Variants in NEGR1 observed in about 807,000 individuals in gnomAD.
NEGR1 encodes neuronal growth regulator 1, also known as IgLON family member 4.
Under a neutral mutation model 40.9 loss-of-function variants are expected in NEGR1, and 10 were observed. The ratio of observed to expected loss-of-function variants is 0.24; its 90% CI spans 0.15 to 0.42. NEGR1 has a LOEUF of 0.42. Ranked by LOEUF, NEGR1 falls within the 10% of genes least tolerant of loss-of-function variation. The pLI is 1.00. For synonymous variants in NEGR1, 185 were observed against 166.8 expected (o/e 1.11, Z -0.84); for missense variants, 352 against 438.9 (o/e 0.80, Z 1.77).
rs959347673 is a variant in NEGR1, at chr1:71,784,331, T to G, written c.410-8034A>C. 1.3e-4 allele frequency among the ~76,000 whole-genome samples: 19 copies of G among 151,918 alleles called. 1 individual carries two copies. The highest frequency in any genetic ancestry group is 4.4e-4 in the African/African-American group (18 of 41,370). ...TCTCTCCTATATTTAAAATCTGCACTCTAAGTAGAAAGGCTTTTTTTTTTT... is the reference window on the plus strand; with the variant it reads ...TCTCTCCTATATTTAAAATCTGCACGCTAAGTAGAAAGGCTTTTTTTTTTT... On this transcript the variant is annotated intron_variant, in intron 2 of 6. Coordinates refer to ENST00000357731, the MANE Select transcript of NEGR1 (RefSeq NM_173808.3).
Position 71,725,183 on chromosome 1 carries a change from A to G in NEGR1, c.536-27044T>C, listed in dbSNP as rs565187745. On this transcript the variant is annotated intron_variant, in intron 3 of 6. Transcript: ENST00000357731. Reference sequence around the variant, plus strand: ...GATGTATTTTGAAGATCTGATCGATAGAAGAATTTCAATAACTAATAATAG... The same window carrying G: ...GATGTATTTTGAAGATCTGATCGATGGAAGAATTTCAATAACTAATAATAG... 5.8e-4 allele frequency among the ~76,000 whole-genome samples: 89 copies of G among 152,304 alleles called. 1 individual carries two copies. Among genetic ancestry groups the G allele is most frequent in the African/African-American group, 2.1e-3 (87 of 41,584 alleles).
At position 72,171,009 on chromosome 1, in the gene NEGR1, T is replaced by C. The variant is rs141503075; in HGVS notation, c.176+111310A>G. Among the ~76,000 whole-genome samples the C allele has an allele frequency of 3.9e-4, 59 of 152,298 alleles. 1 individual carries two copies. Among genetic ancestry groups the C allele is most frequent in the African/African-American group, 1.3e-3 (55 of 41,574 alleles). The stretch of plus-strand genomic sequence containing the variant: ...GAGACAGAAAGGTTACAGCAGGCTA[T>C]TGGTATTTCCTTTTCCCTTTGGTCT... On this transcript the variant is annotated intron_variant, in intron 1 of 6. Transcript: ENST00000357731.
intron 6 of NEGR1, among the ~76,000 whole-genome samples, chr1:71,540,393 C>G (rs902173015): frequency 6.6e-6 from 1 of 151,726 alleles, no homozygotes; most frequent in African/African-American, 2.4e-5. Flanking sequence ...AATTAAGAGT[C>G]GGACTGTTTA....
chr1:71,592,462 C>T (rs1293616529), intron 6 of NEGR1, among the ~76,000 whole-genome samples: 1 of 152,122 alleles, frequency 6.6e-6, no homozygotes, highest in Non-Finnish European at 1.5e-5. Flanking sequence ...CCATGTTAAT[C>T]TATACTTCAA....
chr1:72,184,040 T>C (rs531495832), intron 1 of NEGR1, among the ~76,000 whole-genome samples: 1 of 152,264 alleles, frequency 6.6e-6, no homozygotes, highest in African/African-American at 2.4e-5. Context: ...AACAGCCGTA[T>C]ATAAGATGTT....
At chr1:71,796,978 T>C (rs1469350217) in intron 2 of NEGR1, among the ~76,000 whole-genome samples, 1 of 152,110 alleles carries the variant, frequency 6.6e-6, no homozygotes, top group Admixed American at 6.6e-5. Context: ...ACAGCACATA[T>C]TTACATAATT....
chr1:71,751,005 G>A (rs1184792429), intron 3 of NEGR1, among the ~76,000 whole-genome samples: 1 of 151,894 alleles, frequency 6.6e-6, no homozygotes, highest in Non-Finnish European at 1.5e-5. Context: ...CCTTAGTGAT[G>A]ATCTTATACA....
chr1:72,069,520 G>T (rs991508564), intron 1 of NEGR1, among the ~76,000 whole-genome samples: 1 of 152,000 alleles, frequency 6.6e-6, no homozygotes, highest in Non-Finnish European at 1.5e-5. Flanking sequence ...ATATCATATT[G>T]TATATAGAGG....
intron 4 of NEGR1, among the ~76,000 whole-genome samples, chr1:71,648,167 T>C (rs1651594909): frequency 6.6e-6 from 1 of 152,020 alleles, no homozygotes. Flanking sequence ...ATAAATCATC[T>C]TGGCCTAGAA....
intron 1 of NEGR1, among the ~76,000 whole-genome samples, chr1:71,938,670 C>T (rs1321990325): frequency 1.3e-5 from 2 of 151,870 alleles, no homozygotes; most frequent in Non-Finnish European, 2.9e-5. Context: ...TGGGTACCAA[C>T]ATTTTTTTTT....
intron 1 of NEGR1, among the ~76,000 whole-genome samples, chr1:72,238,130 C>A (rs1046616503): frequency 2.6e-5 from 4 of 151,744 alleles, no homozygotes; most frequent in African/African-American, 9.7e-5. Flanking sequence ...AAAATCCCTA[C>A]CTTTACTATA....
In NEGR1 at chr1:71,675,126, T is replaced by TATATATATATATATATATATAC. The variant is rs145354058; in HGVS notation, c.667+22881_667+22882insGTATATATATATATATATATAT. Among the ~76,000 whole-genome samples, 135 of 77,818 alleles carry TATATATATATATATATATATAC rather than the reference T, an allele frequency of 1.7e-3. 3 individuals carry two copies. Among genetic ancestry groups the TATATATATATATATATATATAC allele is most frequent in the African/African-American group, 1.6e-3 (38 of 24,326 alleles). The allele number at this position is 77,818 out of a possible 152,430, so 51.1% of individuals were successfully genotyped here. The stretch of plus-strand genomic sequence containing the variant: ...GCATGTTTATTCATATATATATATA[T>TATATATATATATATATATATAC]ACACACACACATATGAATTCTTAGA... On this transcript the variant is annotated intron_variant, in intron 4 of 6. Coordinates refer to ENST00000357731, the MANE Select transcript of NEGR1 (RefSeq NM_173808.3).
At chr1:72,050,108 C>A (rs1249682096) in intron 1 of NEGR1, among the ~76,000 whole-genome samples, 1 of 151,216 alleles carries the variant, frequency 6.6e-6, no homozygotes, top group South Asian at 2.1e-4. Context: ...ATAAAGAAAT[C>A]TTTATATTGT....
intron 3 of NEGR1, among the ~76,000 whole-genome samples, chr1:71,699,730 G>GC (rs1412577996): frequency 6.6e-6 from 1 of 151,814 alleles, no homozygotes; most frequent in African/African-American, 2.4e-5. Flanking sequence ...GTATGGCTGT[G>GC]CCCCAACCCG....
chr1:71,908,460 C>A (rs952009057), intron 2 of NEGR1, among the ~76,000 whole-genome samples: 4 of 152,166 alleles, frequency 2.6e-5, no homozygotes, highest in African/African-American at 9.7e-5. Context: ...AGGGACCCAA[C>A]ATGAGCTAAA....
At chr1:71,786,000 A>C (rs2101729574) in intron 2 of NEGR1, among the ~76,000 whole-genome samples, 1 of 152,308 alleles carries the variant, frequency 6.6e-6, no homozygotes, top group East Asian at 1.9e-4. Context: ...TTTTAGCACC[A>C]TTTGAAAAAT....
At chr1:72,008,115 G>C (rs1646624144) in intron 1 of NEGR1, among the ~76,000 whole-genome samples, 1 of 151,942 alleles carries the variant, frequency 6.6e-6, no homozygotes, top group South Asian at 2.1e-4. Context: ...GGAAATATGA[G>C]GATATGATGA....
chr1:72,166,280 G>T (rs1651761869), intron 1 of NEGR1, among the ~76,000 whole-genome samples: 5 of 151,888 alleles, frequency 3.3e-5, no homozygotes, highest in Admixed American at 1.3e-4. Flanking sequence ...AAAGATGAAA[G>T]ATAAGTGTTG....
At chr1:71,520,024 C>A (rs1647144167) in intron 6 of NEGR1, among the ~76,000 whole-genome samples, 1 of 151,970 alleles carries the variant, frequency 6.6e-6, no homozygotes, top group Admixed American at 6.6e-5. Context: ...GACAAAATTT[C>A]AACTTTTTTC....
Sources: allele counts gnomAD v4.1 joint callset (sites outside exome capture counted in the v4.1 genomes callset), GRCh38; gene constraint gnomAD v4.1.1; transcripts MANE v1.5; gene names NCBI Gene and HGNC (gene_info 2026-07-23, HGNC 2026-07-21).